Variants in HOMER1 observed in about 807,000 individuals in gnomAD.
HOMER1 encodes homer protein homolog 1.
HOMER1 carries 3 observed loss-of-function variants against 48.9 expected under a neutral mutation model. That is an observed-to-expected ratio of 0.06 (90% CI 0.03 to 0.16). The LOEUF (loss-of-function observed/expected upper bound fraction) is 0.16. Among genes scored for constraint, HOMER1 ranks in the 10% least tolerant of loss-of-function variants. HOMER1 has a pLI of 1.00. For synonymous variants in HOMER1, 134 were observed against 146.4 expected, an observed-to-expected ratio of 0.92 and a Z score of 0.61; for missense variants, 247 against 411.4, an observed-to-expected ratio of 0.60 and a Z score of 3.46.
chr5:79,447,060 G>T lies in HOMER1; in HGVS notation c.380C>A (p.Pro127His). 1.3e-6 allele frequency: 2 copies of T among 1,580,016 alleles called. No homozygotes were observed. Among genetic ancestry groups the T allele is most frequent in the Admixed American group, 1.7e-5 (1 of 59,960 alleles). Residue 127 changes from proline to histidine, a missense_variant, in exon 4 of 9, where the codon CCT becomes CAT. By Grantham distance (77) the Pro-to-His change is moderately conservative. Transcript: ENST00000334082. ...TAGAAATGATATACCCACCTGTGAA[G>T]GTGTACTGGTAAGTTCCATCTTCTC... ...SQEKMELTSTPSQESAGGDLQ... is the reference protein window; with the variant it reads ...SQEKMELTSTHSQESAGGDLQ...
chr5:79,381,571 G>C (rs928518686), intron 8 of HOMER1, among the ~76,000 whole-genome samples: 4 of 152,152 alleles, frequency 2.6e-5, no homozygotes, highest in Non-Finnish European at 5.9e-5. Context: ...AGCTTAGTGA[G>C]ATACAAGAGA....
chr5:79,500,770 G>A (rs1371946329), intron 1 of HOMER1, among the ~76,000 whole-genome samples: 4 of 151,836 alleles, frequency 2.6e-5, no homozygotes, highest in African/African-American at 7.3e-5. Context: ...GACTACAGGC[G>A]TGCGCTACCA....
At position 79,404,026 on chromosome 5, in the gene HOMER1, C is replaced by T. The variant is rs143887118; in HGVS notation, c.528-1971G>A. Reference sequence around the variant, plus strand: ...TCTGAAAAAAGCATGCATGGATTCACCTGCTCTAACTGAATTATAGATTTT... The same window carrying T: ...TCTGAAAAAAGCATGCATGGATTCATCTGCTCTAACTGAATTATAGATTTT... On this transcript the variant is annotated intron_variant, in intron 5 of 8. Transcript: ENST00000334082. Among the ~76,000 whole-genome samples the T allele has an allele frequency of 7.8e-3, 1,187 of 152,262 alleles. 11 individuals are homozygous for T. The highest frequency in any genetic ancestry group is 0.027 in the African/African-American group (1,135 of 41,540).
intron 8 of HOMER1, among the ~76,000 whole-genome samples, chr5:79,378,137 T>C (rs796492809): frequency 2.0e-5 from 3 of 149,452 alleles, no homozygotes; most frequent in African/African-American, 7.5e-5. Flanking sequence ...GGAGAATGAC[T>C]TGAACCGGGA....
chr5:79,502,177 G>A lies in HOMER1; in HGVS notation c.5+10593C>T, dbSNP rs561116478. On this transcript the variant is annotated intron_variant, in intron 1 of 8. Coordinates refer to ENST00000334082, the MANE Select transcript of HOMER1 (RefSeq NM_004272.5). ...TGGGATTACAAGTGCACACCACCAC[G>A]CCCAGATAACTTTTGTATTTTTAGT... Among the ~76,000 whole-genome samples, 3 of 151,802 alleles carry A rather than the reference G, an allele frequency of 2.0e-5. No individual in the cohort carries two copies. In the East Asian group the frequency reaches 5.8e-4, roughly 29 times the overall value.
chr5:79,442,716 G>C (rs946761121), intron 4 of HOMER1, among the ~76,000 whole-genome samples: 3 of 152,166 alleles, frequency 2.0e-5, no homozygotes, highest in African/African-American at 7.2e-5. Flanking sequence ...CTTAAACAAA[G>C]ATGAGAACAC....
At chr5:79,421,848 T>G (rs1274252656) in intron 5 of HOMER1, among the ~76,000 whole-genome samples, 1 of 152,096 alleles carries the variant, frequency 6.6e-6, no homozygotes, top group Non-Finnish European at 1.5e-5. Context: ...CCTCAGGTGA[T>G]CAGCCTGGCT....
intron 8 of HOMER1, among the ~76,000 whole-genome samples, chr5:79,393,488 A>G (rs1382677650): frequency 6.6e-6 from 1 of 152,256 alleles, no homozygotes; most frequent in African/African-American, 2.4e-5. Context: ...GACTAAATGC[A>G]TGTGAAAAAT....
At chr5:79,385,669 C>A (rs1174861517) in intron 8 of HOMER1, among the ~76,000 whole-genome samples, 1 of 151,536 alleles carries the variant, frequency 6.6e-6, no homozygotes, top group Non-Finnish European at 1.5e-5. Context: ...TGGTGTAAAC[C>A]CCATCTCTAC....
intron 4 of HOMER1, 140 bp from the exon 5 acceptor site, chr5:79,439,289 A>G (rs1382459642): frequency 1.3e-6 from 1 of 743,132 alleles, no homozygotes; most frequent in African/African-American, 1.8e-5. Flanking sequence ...AAGACTTAAA[A>G]ACATAAAACA....
At chr5:79,403,495 TTCAG>T (rs1561350124) in intron 5 of HOMER1, among the ~76,000 whole-genome samples, 4 of 152,224 alleles carry the variant, frequency 2.6e-5, no homozygotes, top group Admixed American at 1.3e-4. Flanking sequence ...AATGCGTAAC[TTCAG>T]TCAAACAATG....
chr5:79,461,959 G>A (rs1751327230), intron 1 of HOMER1, among the ~76,000 whole-genome samples: 1 of 152,134 alleles, frequency 6.6e-6, no homozygotes, highest in South Asian at 2.1e-4. Context: ...AGCACTTTGG[G>A]AGGCCCAGGT....
At chr5:79,390,239 T>C (rs1749215508) in intron 8 of HOMER1, among the ~76,000 whole-genome samples, 1 of 152,152 alleles carries the variant, frequency 6.6e-6, no homozygotes. Flanking sequence ...GAATCTGTGA[T>C]TGTGCCACTG....
intron 1 of HOMER1, among the ~76,000 whole-genome samples, chr5:79,488,514 A>G (rs945240901): frequency 5.9e-5 from 9 of 152,314 alleles, no homozygotes; most frequent in Middle Eastern, 6.8e-3. Flanking sequence ...ACCAGTTCTT[A>G]AGAGCCCCAA....
intron 1 of HOMER1, among the ~76,000 whole-genome samples, chr5:79,481,932 T>C (rs998282583): frequency 6.6e-6 from 1 of 152,098 alleles, no homozygotes; most frequent in Non-Finnish European, 1.5e-5. Flanking sequence ...TTTAAAAGAA[T>C]ATAAGTCTGG....
chr5:79,468,215 T>C (rs1239019820), intron 1 of HOMER1, among the ~76,000 whole-genome samples: 1 of 152,224 alleles, frequency 6.6e-6, no homozygotes, highest in Non-Finnish European at 1.5e-5. Flanking sequence ...TTAAACTTTA[T>C]CTGATACTCA....
At chr5:79,501,175 TG>T (rs771288695) in intron 1 of HOMER1, among the ~76,000 whole-genome samples, 1 of 151,944 alleles carries the variant, frequency 6.6e-6, no homozygotes, top group Non-Finnish European at 1.5e-5. Flanking sequence ...TTCACCATGT[TG>T]CCCAGGCTGG....
intron 1 of HOMER1, among the ~76,000 whole-genome samples, chr5:79,458,399 GTAAAT>G (rs1236524291): frequency 2.6e-5 from 4 of 151,560 alleles, no homozygotes; most frequent in African/African-American, 7.3e-5. Flanking sequence ...TTAATATTAA[GTAAAT>G]TAATTTTAAA....
intron 4 of HOMER1, among the ~76,000 whole-genome samples, chr5:79,440,136 T>TA (rs907435331): frequency 6.6e-6 from 1 of 151,890 alleles, no homozygotes; most frequent in Non-Finnish European, 1.5e-5. Context: ...TTTGTCAACT[T>TA]AAAAAAAATA....
Sources: allele counts gnomAD v4.1 joint callset (sites outside exome capture counted in the v4.1 genomes callset), GRCh38; gene constraint gnomAD v4.1.1; transcripts MANE v1.5; gene names NCBI Gene and HGNC (gene_info 2026-07-23, HGNC 2026-07-21).